The following CECR2 variants were observed in gnomAD, a reference collection of about 807,000 sequenced individuals.
CECR2 encodes chromatin remodeling regulator CECR2.
In CECR2, 30 loss-of-function variants were observed where a neutral mutation model predicts 154.5. The ratio of observed to expected loss-of-function variants is 0.19; its 90% confidence interval spans 0.15 to 0.26. The LOEUF is 0.26. CECR2 is among the 10% of genes least tolerant of loss of function. CECR2 has a pLI of 1.00. For synonymous variants in CECR2, 725 were observed against 683.7 expected (o/e 1.06, Z -0.94); for missense variants, 1,743 against 1,829.3 (o/e 0.95, Z 0.86).
At chr22:17,483,243 T>C (rs2055360471) in intron 2 of CECR2, among the ~76,000 whole-genome samples, 1 of 152,130 alleles carries the variant, frequency 6.6e-6, no homozygotes. Flanking sequence ...ATTTCAACAA[T>C]AGAAAACAGC....
chr22:17,538,750 G>A lies in CECR2; in HGVS notation c.1368+19G>A. ...TATTAAGGTAGAAGTTGTCTTTGCA[G>A]TAATGCCTACTATAGTGTGTATATC... On this transcript the variant is annotated intron_variant, in intron 12 of 18. Coordinates refer to ENST00000262608, the MANE Select transcript of CECR2 (RefSeq NM_001290047.2). The A allele has an allele frequency of 6.3e-7, 1 of 1,584,334 alleles. No homozygotes were observed. Among genetic ancestry groups the A allele is most frequent in the Non-Finnish European group, 8.7e-7 (1 of 1,153,180 alleles).
chr22:17,515,962 A>C (rs1441788000), intron 8 of CECR2, among the ~76,000 whole-genome samples: 1 of 152,252 alleles, frequency 6.6e-6, no homozygotes, highest in African/African-American at 2.4e-5. Context: ...GGCGTGAGCC[A>C]CCACGCCCGG....
At chr22:17,502,343 G>A (rs1013650043) in intron 5 of CECR2, among the ~76,000 whole-genome samples, 8 of 152,134 alleles carry the variant, frequency 5.3e-5, no homozygotes, top group African/African-American at 1.4e-4. Context: ...TCTTCAGTGC[G>A]GCCCTGAATC....
At chr22:17,389,179 C>T (rs1158815617) in intron 1 of CECR2, among the ~76,000 whole-genome samples, 1 of 152,162 alleles carries the variant, frequency 6.6e-6, no homozygotes, top group Non-Finnish European at 1.5e-5. Context: ...ACACAGAATT[C>T]CTAAGCTCCC....
chr22:17,541,808 T>A (rs374890890), intron 14 of CECR2, 31 bp from the exon 15 acceptor site: 9 of 1,581,064 alleles, frequency 5.7e-6, no homozygotes, highest in Non-Finnish European at 6.0e-6. Context: ...CTTTCCTTTT[T>A]CCTCTTCTTG....
At chr22:17,518,169 A>G (rs888584906) in intron 8 of CECR2, among the ~76,000 whole-genome samples, 16 of 152,284 alleles carry the variant, frequency 1.1e-4, no homozygotes, top group African/African-American at 3.6e-4. Flanking sequence ...TCCAGCAAAG[A>G]GAGTTTATTA....
At chr22:17,456,261 C>T (rs2054852643) in intron 1 of CECR2, among the ~76,000 whole-genome samples, 1 of 152,052 alleles carries the variant, frequency 6.6e-6, no homozygotes, top group Non-Finnish European at 1.5e-5. Flanking sequence ...TTTATTTAAT[C>T]CCAACATCAT....
Position 17,524,239 on chromosome 22 carries a change from G to A in CECR2, c.1076G>A (p.Arg359His), listed in dbSNP as rs573791910. The stretch of plus-strand genomic sequence containing the variant: ...CAGATGCTAAAGGAAGAGAGGAAAC[G>A]CGAGTTGGAGGAGAAGGTCAAGGCA... ...QEQMLKEERK[R>H]ELEEKVKAVE... The change falls in exon 9 of 19, where the codon CGC (arginine) becomes CAC (histidine). Residue 359 changes from arginine (R) to histidine (H), a missense_variant. Physicochemically the swap from Arg to His is conservative, Grantham distance 29. Around this residue, in one of 4 missense-constraint regions of CECR2, gnomAD observed 292 missense variants for 301.2 expected, o/e 0.97. Coordinates refer to ENST00000262608, the MANE Select transcript of CECR2 (RefSeq NM_001290047.2). 5.0e-5 allele frequency: 81 copies of A among 1,609,848 alleles called. No homozygotes were observed. The highest frequency in any genetic ancestry group is 6.6e-5 in the Non-Finnish European group (78 of 1,178,298).
At chr22:17,483,192 C>G (rs996359016) in intron 2 of CECR2, among the ~76,000 whole-genome samples, 4 of 152,162 alleles carry the variant, frequency 2.6e-5, no homozygotes, top group African/African-American at 9.7e-5. Context: ...GTGTTTTTGT[C>G]TTCCTTTTGA....
intron 1 of CECR2, among the ~76,000 whole-genome samples, chr22:17,421,871 CT>C (rs759630387): frequency 1.2e-3 from 171 of 140,726 alleles, no homozygotes; most frequent in East Asian, 1.9e-3. Flanking sequence ...ACAAAAAAAA[CT>C]TTTTTTTTTT....
At chr22:17,544,809 C>CAAAAA (rs67994839) in intron 16 of CECR2, among the ~76,000 whole-genome samples, 8 of 45,618 alleles carry the variant, frequency 1.8e-4, no homozygotes, top group Non-Finnish European at 3.0e-4. Context: ...GACTCTGTCT[C>CAAAAA]AAAAAAAAAA....
intron 8 of CECR2, among the ~76,000 whole-genome samples, chr22:17,512,259 T>C (rs976568157): frequency 6.6e-6 from 1 of 151,656 alleles, no homozygotes; most frequent in Admixed American, 6.6e-5. Flanking sequence ...AATCCTGAGA[T>C]GGCTGGGATT....
At chr22:17,411,985 A>C (rs917824669) in intron 1 of CECR2, among the ~76,000 whole-genome samples, 10 of 152,186 alleles carry the variant, frequency 6.6e-5, no homozygotes, top group Admixed American at 2.6e-4. Context: ...TTCCAATCTT[A>C]AATGGACTAA....
At chr22:17,475,986 G>A (rs896659390) in intron 1 of CECR2, among the ~76,000 whole-genome samples, 4 of 151,502 alleles carry the variant, frequency 2.6e-5, no homozygotes, top group African/African-American at 7.3e-5. Flanking sequence ...AATAAACTGA[G>A]GTAGATCTCC....
At position 17,548,158 on chromosome 22, in the gene CECR2, G is replaced by C. The variant is rs746987524; in HGVS notation, c.2871G>C (p.Leu957Phe). 2 of 1,505,808 alleles carry C rather than the reference G, an allele frequency of 1.3e-6. No homozygotes were observed. The highest frequency in any genetic ancestry group is 1.4e-5 in the African/African-American group (1 of 69,238). 93.3% of individuals were successfully genotyped at this position (1,505,808 alleles called of 1,614,324 possible). Reference protein sequence around the residue: ...QEPENDQAEPLPGLEEKPPGV... With the variant: ...QEPENDQAEPFPGLEEKPPGV... ...TTTTTTTTTTTGCAGCAGAGCCGTT[G>C]CCTGGCCTTGAAGAGAAACCACCAG... is the stretch of plus-strand genomic sequence containing the variant. The change falls in exon 17 of 19, where the codon TTG becomes TTC. Residue 957 changes from leucine (L) to phenylalanine (F), a missense_variant. Around this residue, in one of 4 missense-constraint regions of CECR2, gnomAD observed 1,250 missense variants for 1,192.1 expected, o/e 1.05. Coordinates refer to ENST00000262608, the MANE Select transcript of CECR2 (RefSeq NM_001290047.2).
At chr22:17,478,420 A>G (rs1030957593) in intron 2 of CECR2, among the ~76,000 whole-genome samples, 2 of 149,848 alleles carry the variant, frequency 1.3e-5, no homozygotes, top group South Asian at 2.1e-4. Context: ...CAGTGGCGCA[A>G]TCCCGGCTCA....
chr22:17,517,168 C>T (rs1339262128), intron 8 of CECR2, among the ~76,000 whole-genome samples: 7 of 152,362 alleles, frequency 4.6e-5, no homozygotes, highest in East Asian at 1.9e-4. Context: ...TGAGCCACCG[C>T]GCCTGGCCAA....
chr22:17,486,937 AACCTGCATGCT>A (rs1452837763), intron 2 of CECR2, among the ~76,000 whole-genome samples: 3 of 152,048 alleles, frequency 2.0e-5, no homozygotes, highest in Non-Finnish European at 4.4e-5. Context: ...GGGGCCTGGG[AACCTGCATGCT>A]GTGCAAGTTC....
intron 1 of CECR2, among the ~76,000 whole-genome samples, chr22:17,422,870 G>C (rs1318049889): frequency 1.3e-5 from 2 of 151,784 alleles, no homozygotes; most frequent in East Asian, 3.9e-4. Context: ...TTTTTTCTTA[G>C]AATTCCTATC....
Sources: gnomAD v4.1 joint callset for allele counts (sites outside exome capture counted in the v4.1 genomes callset) on GRCh38, gnomAD v4.1.1 for gene constraint, gnomAD v4.1.1 regional missense constraint, MANE v1.5 for transcripts, NCBI Gene and HGNC (gene_info 2026-07-23, HGNC 2026-07-21) for gene names.